FKTN: variants seen among roughly 807,000 people sequenced by gnomAD.
FKTN encodes fukutin, also known as ribitol-5-phosphate transferase FKTN.
A neutral mutation model predicts 58.6 loss-of-function variants in FKTN; 47 were observed. The ratio of observed to expected loss-of-function variants is 0.80; its 90% CI spans 0.63 to 1.02. The LOEUF (loss-of-function observed/expected upper bound fraction) is 1.02, where lower values mean the gene tolerates loss of function less well. Among genes scored for constraint, FKTN ranks in the 50% least tolerant of loss-of-function variants. FKTN has a pLI of 0.00. For synonymous variants in FKTN, 178 were observed against 191.9 expected, an observed-to-expected ratio of 0.93 and a Z score of 0.60; for missense variants, 516 against 537.3, an observed-to-expected ratio of 0.96 and a Z score of 0.39.
chr9:105,610,416 C>A lies in FKTN; in HGVS notation c.780+2465C>A, dbSNP rs377009371. Among the ~76,000 whole-genome samples, 29 of 152,102 alleles carry A rather than the reference C, an allele frequency of 1.9e-4. No individual in the cohort carries two copies. In the East Asian group the frequency reaches 2.1e-3, roughly 11 times the overall value. On this transcript the variant is annotated intron_variant, in intron 7 of 10. Coordinates refer to ENST00000357998, the MANE Select transcript of FKTN (RefSeq NM_001079802.2). ...CCGGTTAAAAGTTCCAATTAAACAACAGAGTTCATTTCCATATTTGCGACT... is the reference window on the plus strand; with the variant it reads ...CCGGTTAAAAGTTCCAATTAAACAAAAGAGTTCATTTCCATATTTGCGACT...
chr9:105,628,836 G>T (rs182017039), intron 10 of FKTN, among the ~76,000 whole-genome samples: 85 of 152,310 alleles, frequency 5.6e-4, no homozygotes, highest in Non-Finnish European at 1.2e-3. Flanking sequence ...CTGTGTACTT[G>T]CTGTTATTTG....
intron 7 of FKTN, among the ~76,000 whole-genome samples, chr9:105,612,255 TTCC>T (rs1342612759): frequency 6.6e-6 from 1 of 152,140 alleles, no homozygotes; most frequent in Non-Finnish European, 1.5e-5. Flanking sequence ...TTTGTTTAAG[TTCC>T]TGATAGATGC....
intron 3 of FKTN, among the ~76,000 whole-genome samples, chr9:105,591,292 T>G (rs1844823964): frequency 2.6e-5 from 4 of 152,158 alleles, no homozygotes; most frequent in Admixed American, 2.6e-4. Context: ...GTTCAAAGTC[T>G]CATCTGAGAC....
chr9:105,602,116 T>C (rs1271986651), intron 5 of FKTN, among the ~76,000 whole-genome samples: 1 of 152,184 alleles, frequency 6.6e-6, no homozygotes, highest in Non-Finnish European at 1.5e-5. Context: ...AGTGAGCAAG[T>C]TTCCAACAAC....
chr9:105,633,472 C>T (rs1320307288), intron 10 of FKTN: 2 of 152,172 alleles, frequency 1.3e-5, no homozygotes, highest in East Asian at 3.8e-4. Flanking sequence ...TAGGATAAGA[C>T]AGGTGGACAT....
chr9:105,585,247 A>G (rs1037519018), intron 3 of FKTN, among the ~76,000 whole-genome samples: 3 of 152,160 alleles, frequency 2.0e-5, no homozygotes, highest in African/African-American at 4.8e-5. Flanking sequence ...CAACATAGTA[A>G]GATCTCATCT....
chr9:105,604,088 C>T, intron 5 of FKTN, 127 bp from the exon 6 acceptor site: 1 of 915,490 alleles, frequency 1.1e-6, no homozygotes, highest in South Asian at 1.4e-5. Context: ...TCTTACAGAG[C>T]AGATTAGCAC....
At position 105,617,946 on chromosome 9, in the gene FKTN, ATCT is replaced by A. The variant is rs1235625341; in HGVS notation, c.911-8_911-6del. The A allele has an allele frequency of 5.9e-6, 9 of 1,536,678 alleles. No individual in the cohort carries two copies. The highest frequency in any genetic ancestry group is 3.5e-5 in the Admixed American group (2 of 56,524). ...ACCTAAATTTTGTTAAAAAAATTTAATCTTCTTTTTAGGATGGTATCGACAATG... is the reference window on the plus strand; with the variant it reads ...ACCTAAATTTTGTTAAAAAAATTTAATCTTTTTAGGATGGTATCGACAATG... On this transcript the variant is annotated splice_polypyrimidine_tract_variant and intron_variant, in intron 8 of 10. Transcript: ENST00000357998.
Position 105,574,601 on chromosome 9 carries a change from C to T in FKTN, c.-88-344C>T, listed in dbSNP as rs74505742. Among the ~76,000 whole-genome samples the T allele has an allele frequency of 9.0e-3, 1,376 of 152,078 alleles. 22 individuals are homozygous for T. Among genetic ancestry groups the T allele is most frequent in the African/African-American group, 0.032 (1,318 of 41,460 alleles). Reference sequence around the variant, plus strand: ...GTGGTTCTCAGCATTGTCAGCAGCACCAGCATCATTTGGGAACTTGTCAGA... The same window carrying T: ...GTGGTTCTCAGCATTGTCAGCAGCATCAGCATCATTTGGGAACTTGTCAGA... On this transcript the variant is annotated intron_variant, in intron 2 of 10. Transcript: ENST00000357998.
At chr9:105,618,871 C>T (rs1394602697) in intron 9 of FKTN, among the ~76,000 whole-genome samples, 20 of 152,188 alleles carry the variant, frequency 1.3e-4, no homozygotes, top group Non-Finnish European at 8.8e-5. Flanking sequence ...AGATCGAGAC[C>T]ACAGTGAAAC....
intron 3 of FKTN, among the ~76,000 whole-genome samples, chr9:105,596,002 T>G (rs1290909397): frequency 6.6e-6 from 1 of 152,226 alleles, no homozygotes; most frequent in Admixed American, 6.5e-5. Flanking sequence ...TTTCTTCTGA[T>G]GCTCTAGACC....
At chr9:105,604,147 A>G in intron 5 of FKTN, 68 bp from the exon 6 acceptor site, 1 of 1,476,846 alleles carries the variant, frequency 6.8e-7, no homozygotes, top group Non-Finnish European at 9.5e-7. Flanking sequence ...TTTTGCTACT[A>G]GTATTTGGCT....
chr9:105,625,989 A>G (rs530734754), intron 10 of FKTN, among the ~76,000 whole-genome samples: 2 of 152,162 alleles, frequency 1.3e-5, no homozygotes, highest in Non-Finnish European at 2.9e-5. Context: ...ACTAGATGGT[A>G]TGTTGCTGGC....
chr9:105,570,840 C>T (rs147703372), intron 1 of FKTN, among the ~76,000 whole-genome samples: 2 of 152,128 alleles, frequency 1.3e-5, no homozygotes, highest in East Asian at 3.9e-4. Flanking sequence ...TTGAGAGGAG[C>T]TATGAAAAGA....
chr9:105,583,245 A>G (rs1474778692), intron 3 of FKTN, among the ~76,000 whole-genome samples: 2 of 152,154 alleles, frequency 1.3e-5, no homozygotes, highest in Non-Finnish European at 2.9e-5. Context: ...ACCAACATTT[A>G]ATTCTTAAAA....
intron 3 of FKTN, among the ~76,000 whole-genome samples, chr9:105,587,859 G>A (rs796427255): frequency 7.2e-5 from 11 of 152,236 alleles, no homozygotes; most frequent in African/African-American, 2.6e-4. Context: ...TCTAAGAACT[G>A]CAGTGGCTTG....
At chr9:105,559,183 G>A (rs1014584053) in intron 1 of FKTN, among the ~76,000 whole-genome samples, 5 of 152,224 alleles carry the variant, frequency 3.3e-5, no homozygotes, top group African/African-American at 1.2e-4. Context: ...TGGGAATAAA[G>A]TGATTTAGAT....
In FKTN at chr9:105,575,115, A is replaced by G. The variant is rs374203636; in HGVS notation, c.83A>G (p.Tyr28Cys). 5 of 1,598,932 alleles carry G rather than the reference A, an allele frequency of 3.1e-6. No homozygotes were observed. Among genetic ancestry groups the G allele is most frequent in the Non-Finnish European group, 4.3e-6 (5 of 1,166,372 alleles). ...SAFLLFQLYY[Y>C]KHYLSTKNGA... ...TTTCTGCTGTTTCAGTTGTACTACT[A>G]CAAGCACTATTTATCAACAAAGGTA... is the stretch of plus-strand genomic sequence containing the variant. Residue 28 changes from tyrosine (Y) to cysteine (C), a missense_variant, in exon 3 of 11, where the codon TAC (tyrosine) becomes TGC (cysteine). Physicochemically the swap from Tyr to Cys is radical, Grantham distance 194. Coordinates refer to ENST00000357998, the MANE Select transcript of FKTN (RefSeq NM_001079802.2).
intron 10 of FKTN, among the ~76,000 whole-genome samples, chr9:105,633,681 C>T (rs943424794): frequency 3.9e-5 from 6 of 152,188 alleles, no homozygotes; most frequent in African/African-American, 1.4e-4. Flanking sequence ...TGGGATTGTC[C>T]ATTAACTGGG....
Sources: allele counts gnomAD v4.1 joint callset (sites outside exome capture counted in the v4.1 genomes callset), GRCh38; gene constraint gnomAD v4.1.1; transcripts MANE v1.5; gene names NCBI Gene and HGNC (gene_info 2026-07-23, HGNC 2026-07-21).